Variants in RGS6 observed in about 807,000 individuals in gnomAD.
RGS6 encodes regulator of G-protein signaling 6.
In RGS6, 30 loss-of-function variants were observed where a neutral mutation model predicts 78.5. That is an observed-to-expected ratio of 0.38 (90% CI 0.29 to 0.52). The LOEUF (loss-of-function observed/expected upper bound fraction) is 0.52, where lower values mean the gene tolerates loss of function less well. Among genes scored for constraint, RGS6 ranks in the 20% least tolerant of loss-of-function variants. The pLI is 0.85. For synonymous variants in RGS6, 206 were observed against 206.0 expected (o/e 1.00, Z 0.00); for missense variants, 495 against 609.7 (o/e 0.81, Z 1.98).
chr14:72,124,382 A>T (rs1424671858), intron 2 of RGS6, among the ~76,000 whole-genome samples: 1 of 152,194 alleles, frequency 6.6e-6, no homozygotes, highest in East Asian at 1.9e-4. Context: ...CTTAATAACG[A>T]ACACAATACA....
At chr14:71,906,668 A>G in the RGS6 span, among the ~76,000 whole-genome samples, 40 of 152,332 alleles carry the variant, frequency 2.6e-4, no homozygotes, top group Admixed American at 2.6e-3. Flanking sequence ...GTTAAAATAT[A>G]TGTCATTTAA....
intron 2 of RGS6, among the ~76,000 whole-genome samples, chr14:72,076,474 T>C (rs933513762): frequency 6.6e-6 from 1 of 152,248 alleles, no homozygotes; most frequent in Non-Finnish European, 1.5e-5. Context: ...GATTTATCTC[T>C]AGAAGGAAGA....
intron 2 of RGS6, among the ~76,000 whole-genome samples, chr14:72,011,707 G>A (rs370950290): frequency 6.6e-6 from 1 of 152,134 alleles, no homozygotes; most frequent in African/African-American, 2.4e-5. Flanking sequence ...GGTGGCATAG[G>A]TTATATGAAA....
At chr14:72,213,838 A>G (rs1027639715) in intron 2 of RGS6, among the ~76,000 whole-genome samples, 5 of 152,230 alleles carry the variant, frequency 3.3e-5, no homozygotes, top group African/African-American at 1.2e-4. Flanking sequence ...CTTTAAAAGT[A>G]AAGTCTGTCC....
chr14:71,987,676 C>A (rs1010399107), intron 2 of RGS6, among the ~76,000 whole-genome samples: 2 of 152,116 alleles, frequency 1.3e-5, no homozygotes, highest in African/African-American at 4.8e-5. Flanking sequence ...TGCACCACCA[C>A]ACCTGGCTAA....
the RGS6 span, among the ~76,000 whole-genome samples, chr14:71,876,164 C>G: frequency 1.3e-5 from 2 of 152,130 alleles, no homozygotes; most frequent in Admixed American, 6.6e-5. Flanking sequence ...ATTAGGTCCA[C>G]TTGGTGCACA....
chr14:72,061,775 T>C (rs1027150476), intron 2 of RGS6, among the ~76,000 whole-genome samples: 6 of 152,336 alleles, frequency 3.9e-5, no homozygotes, highest in African/African-American at 1.4e-4. Flanking sequence ...TTTGCTATGA[T>C]GGTGTCTATT....
In RGS6 at chr14:72,426,924, A is replaced by G. The variant is rs74558827; in HGVS notation, c.185-27604A>G. Among the ~76,000 whole-genome samples, 745 of 152,356 alleles carry G rather than the reference A, an allele frequency of 4.9e-3. 7 individuals are homozygous for G. Among genetic ancestry groups the G allele is most frequent in the Middle Eastern group, 0.031 (9 of 294 alleles). On this transcript the variant is annotated intron_variant, in intron 3 of 17. Coordinates refer to ENST00000553525, the MANE Select transcript of RGS6 (RefSeq NM_001204424.2). ...GCCAAGGCTAAATCATAAACATTCAATGCACTTCTGCCTTGCTCTCTTGGG... is the reference window on the plus strand; with the variant it reads ...GCCAAGGCTAAATCATAAACATTCAGTGCACTTCTGCCTTGCTCTCTTGGG...
chr14:72,301,427 T>A (rs555813744), intron 2 of RGS6, among the ~76,000 whole-genome samples: 57 of 152,312 alleles, frequency 3.7e-4, no homozygotes, highest in Admixed American at 2.0e-4. Flanking sequence ...TGAAGGATTT[T>A]TTTTTTTAGT....
At chr14:72,332,515 A>T (rs559596661) in intron 2 of RGS6, among the ~76,000 whole-genome samples, 15 of 152,324 alleles carry the variant, frequency 9.8e-5, no homozygotes, top group Non-Finnish European at 1.8e-4. Context: ...GGATGTCCCA[A>T]CTAGGAACCC....
intron 2 of RGS6, among the ~76,000 whole-genome samples, chr14:71,981,730 T>C (rs1351424526): frequency 2.0e-5 from 3 of 151,510 alleles, no homozygotes; most frequent in African/African-American, 7.3e-5. Flanking sequence ...AGGTTACTGC[T>C]GTCTTTTTGT....
chr14:72,199,087 A>C (rs1349675504), intron 2 of RGS6, among the ~76,000 whole-genome samples: 2 of 152,156 alleles, frequency 1.3e-5, no homozygotes, highest in East Asian at 3.9e-4. Flanking sequence ...TCTGTGAGGG[A>C]GTATGACACT....
chr14:72,364,113 C>G (rs1327982909), intron 3 of RGS6, among the ~76,000 whole-genome samples: 1 of 151,176 alleles, frequency 6.6e-6, no homozygotes, highest in Non-Finnish European at 1.5e-5. Flanking sequence ...TACATTTTGC[C>G]AACACTCTCA....
Position 72,343,098 on chromosome 14 carries a change from A to T in RGS6, c.85-8997A>T, listed in dbSNP as rs570719636. Among the ~76,000 whole-genome samples, 212 of 152,338 alleles carry T rather than the reference A, an allele frequency of 1.4e-3. 1 individual carries two copies. Among genetic ancestry groups the T allele is most frequent in the African/African-American group, 4.6e-3 (192 of 41,578 alleles). ...GGATCACTGTGTGTATTCGTTTTCT[A>T]TTGCTGCTATAACAAATTACCATAC... On this transcript the variant is annotated intron_variant, in intron 2 of 17. Coordinates refer to ENST00000553525, the MANE Select transcript of RGS6 (RefSeq NM_001204424.2).
chr14:71,896,422 G>C, the RGS6 span, among the ~76,000 whole-genome samples: 2 of 152,096 alleles, frequency 1.3e-5, no homozygotes, highest in African/African-American at 4.8e-5. Flanking sequence ...GGCGCTGGTG[G>C]GAGTGTAGCA....
chr14:72,138,729 T>C (rs1442714467), intron 2 of RGS6, among the ~76,000 whole-genome samples: 3 of 152,050 alleles, frequency 2.0e-5, no homozygotes, highest in Non-Finnish European at 4.4e-5. Flanking sequence ...TAGATTCTCA[T>C]TGGAGCACAA....
At chr14:72,049,183 TG>T (rs2093065682) in intron 2 of RGS6, among the ~76,000 whole-genome samples, 1 of 152,216 alleles carries the variant, frequency 6.6e-6, no homozygotes, top group Non-Finnish European at 1.5e-5. Context: ...CCTGCTTTCA[TG>T]GTTCATTCTT....
chr14:72,481,967 C>T (rs2153372163), intron 12 of RGS6, among the ~76,000 whole-genome samples: 1 of 152,128 alleles, frequency 6.6e-6, no homozygotes, highest in East Asian at 1.9e-4. Context: ...TGCCACCAAG[C>T]CTGGCTAATT....
chr14:72,205,958 A>G (rs2042607834), intron 2 of RGS6, among the ~76,000 whole-genome samples: 1 of 152,228 alleles, frequency 6.6e-6, no homozygotes, highest in Admixed American at 6.5e-5. Context: ...ATTTTGTACT[A>G]TTTATCAGAA....
Sources: gnomAD v4.1 joint callset for allele counts (sites outside exome capture counted in the v4.1 genomes callset) on GRCh38, gnomAD v4.1.1 for gene constraint, MANE v1.5 for transcripts, NCBI Gene and HGNC (gene_info 2026-07-23, HGNC 2026-07-21) for gene names.